SH3RF3: variants seen among roughly 807,000 people sequenced by gnomAD.
SH3RF3 encodes E3 ubiquitin-protein ligase SH3RF3.
In SH3RF3, 29 loss-of-function variants were observed where a neutral mutation model predicts 66.3. That is an observed-to-expected ratio of 0.44 (90% CI 0.33 to 0.60). SH3RF3 has a LOEUF of 0.60. SH3RF3 is among the 20% of genes least tolerant of loss of function. The pLI, the probability that SH3RF3 is intolerant of heterozygous loss-of-function variation, is 0.04. For missense variants in SH3RF3, 1,194 were observed against 1,190.9 expected, an observed-to-expected ratio of 1.00 and a Z score of -0.04; for synonymous variants, 583 against 532.0, an observed-to-expected ratio of 1.10 and a Z score of -1.32.
At chr2:109,155,015 G>T (rs1677307742) in intron 1 of SH3RF3, among the ~76,000 whole-genome samples, 1 of 152,182 alleles carries the variant, frequency 6.6e-6, no homozygotes, top group South Asian at 2.1e-4. Flanking sequence ...TTTTCTGTTG[G>T]GTTCATAAAA....
At chr2:109,134,767 A>G (rs1676779836) in intron 1 of SH3RF3, among the ~76,000 whole-genome samples, 1 of 152,202 alleles carries the variant, frequency 6.6e-6, no homozygotes, top group Admixed American at 6.5e-5. Context: ...AAACATAAGC[A>G]GTGGCCACCC....
At chr2:109,488,609 CT>C (rs1679043236) in intron 8 of SH3RF3, among the ~76,000 whole-genome samples, 1 of 152,334 alleles carries the variant, frequency 6.6e-6, no homozygotes, top group East Asian at 1.9e-4. Flanking sequence ...ACGGTTTCTT[CT>C]TTTCCTTTCT....
intron 1 of SH3RF3, among the ~76,000 whole-genome samples, chr2:109,154,624 C>A (rs1004351969): frequency 2.0e-5 from 3 of 152,308 alleles, no homozygotes; most frequent in Non-Finnish European, 4.4e-5. Flanking sequence ...TTCTCTTTGT[C>A]CTGGCTTCTG....
intron 3 of SH3RF3, among the ~76,000 whole-genome samples, chr2:109,388,200 T>C (rs3936127): frequency 0.52 from 79,242 of 152,066 alleles, 21,103 homozygotes; most frequent in South Asian, 0.61. Context: ...TCTATGGTTA[T>C]GTCCTGTCTG....
chr2:109,163,936 T>A (rs1283288403), intron 1 of SH3RF3, among the ~76,000 whole-genome samples: 1 of 152,148 alleles, frequency 6.6e-6, no homozygotes, highest in African/African-American at 2.4e-5. Context: ...CTGGTTTCAG[T>A]TTTGTGATCT....
intron 1 of SH3RF3, among the ~76,000 whole-genome samples, chr2:109,258,583 A>C (rs1680275843): frequency 6.6e-6 from 1 of 152,168 alleles, no homozygotes; most frequent in Non-Finnish European, 1.5e-5. Flanking sequence ...CCAGTCAGTC[A>C]TCCCGCAATT....
intron 1 of SH3RF3, among the ~76,000 whole-genome samples, chr2:109,233,734 G>A (rs1394534829): frequency 6.6e-6 from 1 of 152,152 alleles, no homozygotes; most frequent in Non-Finnish European, 1.5e-5. Flanking sequence ...GGCCACCCTG[G>A]CAGTCCCACA....
At position 109,398,571 on chromosome 2, in the gene SH3RF3, T is replaced by C; in HGVS notation, c.946-19T>C. 6.5e-7 allele frequency: 1 copy of C among 1,532,166 alleles called. No individual in the cohort carries two copies. The highest frequency in any genetic ancestry group is 8.8e-7 in the Non-Finnish European group (1 of 1,138,450). 94.9% of individuals were successfully genotyped at this position (1,532,166 alleles called of 1,614,324 possible). ...GACCATGATTTAATGCAGCCTCCCC[T>C]CTCCCCTTTCTCACTCAGCTCAATG... On this transcript the variant is annotated intron_variant, in intron 3 of 9. Coordinates refer to ENST00000309415, the MANE Select transcript of SH3RF3 (RefSeq NM_001099289.3).
At chr2:109,301,440 G>T (rs917293669) in intron 1 of SH3RF3, among the ~76,000 whole-genome samples, 1 of 152,082 alleles carries the variant, frequency 6.6e-6, no homozygotes, top group African/African-American at 2.4e-5. Context: ...CCTCTCCTCC[G>T]GGGATTGCTG....
At chr2:109,426,047 G>A (rs1677021056) in intron 5 of SH3RF3, among the ~76,000 whole-genome samples, 1 of 152,192 alleles carries the variant, frequency 6.6e-6, no homozygotes, top group Non-Finnish European at 1.5e-5. Context: ...ACAGGCGCAT[G>A]CCACCACGCC....
intron 1 of SH3RF3, among the ~76,000 whole-genome samples, chr2:109,239,193 T>C (rs1419083985): frequency 1.3e-5 from 2 of 152,110 alleles, no homozygotes; most frequent in Admixed American, 6.5e-5. Flanking sequence ...GTGTGAGCCC[T>C]GCACAGTGCT....
At chr2:109,423,486 C>T (rs1676937525) in intron 5 of SH3RF3, among the ~76,000 whole-genome samples, 1 of 152,196 alleles carries the variant, frequency 6.6e-6, no homozygotes, top group South Asian at 2.1e-4. Context: ...GCTGACCAAA[C>T]CATGCCAACA....
At chr2:109,216,063 G>A (rs1276134110) in intron 1 of SH3RF3, among the ~76,000 whole-genome samples, 1 of 152,178 alleles carries the variant, frequency 6.6e-6, no homozygotes, top group African/African-American at 2.4e-5. Flanking sequence ...AGACAGCCAA[G>A]CAGTCAGTCT....
chr2:109,175,228 G>T (rs1395356046), intron 1 of SH3RF3, among the ~76,000 whole-genome samples: 1 of 152,148 alleles, frequency 6.6e-6, no homozygotes, highest in Non-Finnish European at 1.5e-5. Flanking sequence ...ATGGCCTGTG[G>T]TGCTTCCTGT....
intron 1 of SH3RF3, among the ~76,000 whole-genome samples, chr2:109,227,157 G>GGCAGTGGTTGGC (rs1292273230): frequency 1.3e-5 from 2 of 152,192 alleles, no homozygotes; most frequent in Non-Finnish European, 2.9e-5. Context: ...TGATGGCAGT[G>GGCAGTGGTTGGC]GCAGTGGTTG....
At chr2:109,269,683 G>T (rs1680581917) in intron 1 of SH3RF3, among the ~76,000 whole-genome samples, 1 of 152,140 alleles carries the variant, frequency 6.6e-6, no homozygotes, top group Admixed American at 6.5e-5. Flanking sequence ...GGAGGCTGAG[G>T]CACGAGATTT....
At position 109,129,291 on chromosome 2, in the gene SH3RF3, C is replaced by A; in HGVS notation, c.-250C>A. On this transcript the variant is annotated 5_prime_UTR_variant, in exon 1 of 10. Coordinates refer to ENST00000309415, the MANE Select transcript of SH3RF3 (RefSeq NM_001099289.3). ...CGGCGGGACAGGTGTAGCCCGCAGC[C>A]GCAGGCGCTGCGCTCAGGACTGGGC... 3 of 691,384 alleles carry A rather than the reference C, an allele frequency of 4.3e-6. No individual in the cohort carries two copies. Among genetic ancestry groups the A allele is most frequent in the South Asian group, 3.3e-5 (2 of 60,792 alleles). 42.8% of individuals were successfully genotyped at this position (691,384 alleles called of 1,614,324 possible).
At chr2:109,392,117 A>C (rs1186467956) in intron 3 of SH3RF3, among the ~76,000 whole-genome samples, 1 of 152,182 alleles carries the variant, frequency 6.6e-6, no homozygotes, top group Non-Finnish European at 1.5e-5. Flanking sequence ...TGCCTAGCCC[A>C]AAAAGGCCTG....
At chr2:109,419,720 G>A in intron 5 of SH3RF3, 78 bp downstream of exon 5, 1 of 1,380,394 alleles carries the variant, frequency 7.2e-7, no homozygotes, top group Non-Finnish European at 9.9e-7. Flanking sequence ...TCCACGTGTG[G>A]TTTCCGCAGG....
Sources: gnomAD v4.1 joint callset for allele counts (sites outside exome capture counted in the v4.1 genomes callset) on GRCh38, gnomAD v4.1.1 for gene constraint, MANE v1.5 for transcripts, NCBI Gene and HGNC (gene_info 2026-07-23, HGNC 2026-07-21) for gene names.